Variants in FBXO36 observed in about 807,000 individuals in gnomAD.
The protein encoded by FBXO36 is F-box only protein 36.
A neutral mutation model predicts 17.0 loss-of-function variants in FBXO36; 18 were observed. That is an observed-to-expected ratio of 1.06 (90% CI 0.73 to 1.57). The LOEUF (loss-of-function observed/expected upper bound fraction) is 1.57, where lower values mean the gene tolerates loss of function less well. FBXO36 is among the 40% of genes most tolerant of loss of function. The pLI is 0.00. For missense variants in FBXO36, 229 were observed against 221.9 expected, an observed-to-expected ratio of 1.03 and a Z score of -0.20; for synonymous variants, 83 against 85.3, an observed-to-expected ratio of 0.97 and a Z score of 0.15.
At chr2:229,974,667 A>G (rs962891212) in intron 1 of FBXO36, among the ~76,000 whole-genome samples, 3 of 152,064 alleles carry the variant, frequency 2.0e-5, no homozygotes, top group African/African-American at 7.2e-5. Context: ...CCCCCACTCA[A>G]CCAAGGATTT....
At chr2:229,957,779 C>T (rs1227550267) in intron 1 of FBXO36, among the ~76,000 whole-genome samples, 1 of 152,204 alleles carries the variant, frequency 6.6e-6, no homozygotes, top group East Asian at 1.9e-4. Context: ...CTGTCAGCTT[C>T]TCAACCAGCT....
At chr2:229,934,827 A>G (rs1283212689) in intron 1 of FBXO36, among the ~76,000 whole-genome samples, 1 of 151,812 alleles carries the variant, frequency 6.6e-6, no homozygotes, top group Non-Finnish European at 1.5e-5. Context: ...GCTAATTTTC[A>G]TGTTTTTCGT....
intron 2 of FBXO36, among the ~76,000 whole-genome samples, chr2:229,981,895 T>G (rs181857013): frequency 9.1e-4 from 139 of 152,262 alleles, no homozygotes; most frequent in Admixed American, 1.9e-3. Flanking sequence ...AGCAGCTTGT[T>G]TTTGGGGAGG....
chr2:230,009,780 A>T (rs998228759), intron 3 of FBXO36, among the ~76,000 whole-genome samples: 4 of 150,366 alleles, frequency 2.7e-5, no homozygotes, highest in African/African-American at 7.3e-5. Context: ...CTGTCTCTAT[A>T]AAAAAAAATA....
At chr2:229,990,753 GTTC>G (rs1425455252) in intron 2 of FBXO36, among the ~76,000 whole-genome samples, 1 of 152,100 alleles carries the variant, frequency 6.6e-6, no homozygotes, top group East Asian at 1.9e-4. Context: ...GAGCTGGGGA[GTTC>G]TTCTATTTCT....
chr2:229,990,413 C>G (rs2077292585), intron 2 of FBXO36, among the ~76,000 whole-genome samples: 1 of 151,520 alleles, frequency 6.6e-6, no homozygotes, highest in African/African-American at 2.4e-5. Flanking sequence ...TAAGGATGTT[C>G]CCTTTTATTA....
chr2:229,985,832 T>G (rs1249540554), intron 2 of FBXO36, among the ~76,000 whole-genome samples: 1 of 152,142 alleles, frequency 6.6e-6, no homozygotes. Context: ...GAGGACTGCC[T>G]GAGCCCAGGG....
chr2:229,953,356 AAAAAT>A (rs1484634894), intron 1 of FBXO36, among the ~76,000 whole-genome samples: 2 of 151,848 alleles, frequency 1.3e-5, no homozygotes, highest in African/African-American at 2.4e-5. Context: ...AAAAGAAAAG[AAAAAT>A]AAAATAATAT....
intron 1 of FBXO36, among the ~76,000 whole-genome samples, chr2:229,938,557 T>G (rs1442083466): frequency 6.7e-6 from 1 of 149,274 alleles, no homozygotes. Flanking sequence ...CCATCTCGGC[T>G]CACCGCAACC....
chr2:229,951,261 T>C (rs910653426), intron 1 of FBXO36, among the ~76,000 whole-genome samples: 3 of 146,560 alleles, frequency 2.0e-5, no homozygotes, highest in African/African-American at 7.6e-5. Flanking sequence ...TCTTTTTTTT[T>C]AGACGGAGTT....
chr2:229,978,654 A>AT (rs1014485315), intron 2 of FBXO36, among the ~76,000 whole-genome samples: 12 of 152,132 alleles, frequency 7.9e-5, no homozygotes, highest in African/African-American at 2.9e-4. Context: ...TTCTTATTAT[A>AT]GTTAACAATG....
chr2:229,975,761 C>G (rs776132095), intron 1 of FBXO36, among the ~76,000 whole-genome samples: 8 of 149,670 alleles, frequency 5.3e-5, no homozygotes, highest in Non-Finnish European at 1.0e-4. Context: ...CAGATGTGAG[C>G]CACTATGCCC....
At chr2:229,972,410 G>A (rs1376442590) in intron 1 of FBXO36, among the ~76,000 whole-genome samples, 3 of 152,100 alleles carry the variant, frequency 2.0e-5, no homozygotes, top group Non-Finnish European at 4.4e-5. Context: ...AATAGATCTC[G>A]ATGAAGTATA....
intron 1 of FBXO36, among the ~76,000 whole-genome samples, chr2:229,964,771 G>A (rs536268773): frequency 1.2e-4 from 19 of 152,220 alleles, no homozygotes; most frequent in Non-Finnish European, 2.4e-4. Context: ...CTTCCGCCTC[G>A]GCCTCCCAAA....
intron 2 of FBXO36, among the ~76,000 whole-genome samples, chr2:229,989,441 G>A (rs1270790955): frequency 6.6e-6 from 1 of 151,526 alleles, no homozygotes; most frequent in Non-Finnish European, 1.5e-5. Context: ...ATTTTTAGTA[G>A]AGACAGGGTT....
At chr2:229,996,707 A>T in intron 2 of FBXO36, 44 bp from the exon 3 acceptor site, 9 of 1,540,678 alleles carry the variant, frequency 5.8e-6, no homozygotes, top group Non-Finnish European at 7.9e-6. Context: ...TATAATTTTT[A>T]TGTGACTGTA....
intron 1 of FBXO36, among the ~76,000 whole-genome samples, chr2:229,942,189 A>G (rs758185135): frequency 2.6e-5 from 4 of 152,098 alleles, no homozygotes; most frequent in Non-Finnish European, 5.9e-5. Flanking sequence ...CTACTTAGAA[A>G]TAAAATCAAG....
At chr2:229,986,733 C>G (rs562552148) in intron 2 of FBXO36, among the ~76,000 whole-genome samples, 1 of 151,338 alleles carries the variant, frequency 6.6e-6, no homozygotes, top group East Asian at 2.0e-4. Context: ...CGAGGTTTCA[C>G]CATGTTGGCC....
At chr2:229,950,247 GA>G (rs2077050459) in intron 1 of FBXO36, among the ~76,000 whole-genome samples, 1 of 152,090 alleles carries the variant, frequency 6.6e-6, no homozygotes, top group Admixed American at 6.6e-5. Context: ...CCAGCATGGT[GA>G]AACCCCATCT....
Sources: gnomAD v4.1 joint callset for allele counts (sites outside exome capture counted in the v4.1 genomes callset) on GRCh38, gnomAD v4.1.1 for gene constraint, MANE v1.5 for transcripts, NCBI Gene and HGNC (gene_info 2026-07-23, HGNC 2026-07-21) for gene names.